The following DIAPH2 variants were observed in gnomAD, a reference collection of about 807,000 sequenced individuals.
DIAPH2 encodes diaphanous related formin 2, also known as protein diaphanous homolog 2.
Under a neutral mutation model 92.7 loss-of-function variants are expected in DIAPH2, and 35 were observed. The observed-to-expected ratio is 0.38, with a 90% confidence interval of 0.29 to 0.50. DIAPH2 has a LOEUF of 0.50. DIAPH2 is among the 20% of genes least tolerant of loss of function. The pLI, the probability that DIAPH2 is intolerant of heterozygous loss-of-function variation, is 0.94. For synonymous variants in DIAPH2, 301 were observed against 280.4 expected (o/e 1.07, Z -0.73); for missense variants, 701 against 819.5 (o/e 0.86, Z 1.77).
At chrX:97,431,760 G>C (rs2070129072) in intron 26 of DIAPH2, 1 of 112,063 alleles carries the variant, frequency 8.9e-6, no homozygotes. Flanking sequence ...GAAGCACCTT[G>C]GTCATCAGTA....
chrX:97,290,210 A>T (rs1271201859), intron 23 of DIAPH2, among the ~76,000 whole-genome samples: 2 of 110,931 alleles, frequency 1.8e-5, no homozygotes, highest in Non-Finnish European at 3.8e-5. Flanking sequence ...TTTGAAAATT[A>T]TAAAAGAGAT....
chrX:97,043,342 A>G (rs924037199), intron 17 of DIAPH2, among the ~76,000 whole-genome samples: 1 of 111,156 alleles, frequency 9.0e-6, no homozygotes, highest in Non-Finnish European at 1.9e-5. Context: ...TTGCCGTGTA[A>G]TAAAAATGGA....
intron 25 of DIAPH2, among the ~76,000 whole-genome samples, chrX:97,394,975 T>C (rs776690205): frequency 9.0e-6 from 1 of 111,476 alleles, no homozygotes; most frequent in South Asian, 3.8e-4. Flanking sequence ...TCATCTAACC[T>C]CTCTGATCCT....
chrX:97,093,801 G>C (rs1296891183), intron 19 of DIAPH2, among the ~76,000 whole-genome samples: 1 of 111,694 alleles, frequency 9.0e-6, no homozygotes, highest in Non-Finnish European at 1.9e-5. Flanking sequence ...TTCTATTATA[G>C]TAGTAAATAT....
At position 96,962,378 on chromosome X, in the gene DIAPH2, T is replaced by C. The variant is rs1020185394; in HGVS notation, c.1936-2715T>C. Among the ~76,000 whole-genome samples, 379 of 64,038 alleles carry C rather than the reference T, an allele frequency of 5.9e-3. 16 individuals carry two copies. Among genetic ancestry groups the C allele is most frequent in the Middle Eastern group, 0.015 (2 of 132 alleles). 55.6% of individuals were successfully genotyped at this position (64,038 alleles called of 115,157 possible). On this transcript the variant is annotated intron_variant, in intron 16 of 26. Transcript: ENST00000324765. ...ACATATATATATACACATATATATA[T>C]ACACATATATATACACATATATATA...
chrX:97,353,346 A>G (rs1276620489), intron 24 of DIAPH2, among the ~76,000 whole-genome samples: 1 of 111,292 alleles, frequency 9.0e-6, no homozygotes. Flanking sequence ...TTGCTTAGGC[A>G]TAAAAATTAA....
At chrX:96,717,869 A>G (rs1602450200) in intron 1 of DIAPH2, among the ~76,000 whole-genome samples, 1 of 88,692 alleles carries the variant, frequency 1.1e-5, no homozygotes, top group African/African-American at 4.0e-5. Context: ...TTCACATGAG[A>G]TATTTTGATA....
At chrX:96,991,563 G>A (rs1244776407) in intron 17 of DIAPH2, among the ~76,000 whole-genome samples, 1 of 64,175 alleles carries the variant, frequency 1.6e-5, no homozygotes, top group Non-Finnish European at 2.9e-5. Context: ...TTTTTACTAT[G>A]TTATAATTTA....
chrX:97,388,929 C>T (rs189639901), intron 25 of DIAPH2, among the ~76,000 whole-genome samples: 90 of 111,623 alleles, frequency 8.1e-4, no homozygotes, highest in African/African-American at 2.9e-3. Flanking sequence ...CTTAATAAGA[C>T]AGCTTGATTC....
intron 23 of DIAPH2, among the ~76,000 whole-genome samples, chrX:97,299,803 C>T (rs765740224): frequency 8.9e-6 from 1 of 111,904 alleles, no homozygotes; most frequent in Non-Finnish European, 1.9e-5. Flanking sequence ...TAAATCAAGG[C>T]TCTTTCATAG....
chrX:97,209,365 TA>T (rs1209604549), intron 22 of DIAPH2, among the ~76,000 whole-genome samples: 2 of 111,040 alleles, frequency 1.8e-5, no homozygotes, highest in Non-Finnish European at 1.9e-5. Context: ...GAACTGCTCA[TA>T]AAAACAAGCA....
intron 22 of DIAPH2, among the ~76,000 whole-genome samples, chrX:97,183,992 C>T (rs1418006461): frequency 8.9e-6 from 1 of 112,226 alleles, no homozygotes; most frequent in African/African-American, 3.2e-5. Context: ...TAACCCCACA[C>T]CAGGTGAACT....
In DIAPH2 at chrX:96,944,348, A is replaced by C. The variant is rs1163484452; in HGVS notation, c.1445-1179A>C. Among the ~76,000 whole-genome samples, 4 of 111,957 alleles carry C rather than the reference A, an allele frequency of 3.6e-5. No homozygotes were observed. In the South Asian group the frequency reaches 1.5e-3, roughly 41 times the overall value. On this transcript the variant is annotated intron_variant, in intron 13 of 26. Transcript: ENST00000324765. ...AGTTGCTTTAAACAAACAAACAAACAAACCAGCTTTATTGAGGTACATTTG... is the reference window on the plus strand; with the variant it reads ...AGTTGCTTTAAACAAACAAACAAACCAACCAGCTTTATTGAGGTACATTTG...
At chrX:97,028,138 A>G (rs2066347595) in intron 17 of DIAPH2, among the ~76,000 whole-genome samples, 1 of 111,214 alleles carries the variant, frequency 9.0e-6, no homozygotes, top group African/African-American at 3.3e-5. Flanking sequence ...ATGGTCATGG[A>G]ATTGTTTTCA....
intron 25 of DIAPH2, among the ~76,000 whole-genome samples, chrX:97,423,759 A>G (rs971282901): frequency 1.8e-5 from 2 of 112,007 alleles, no homozygotes; most frequent in African/African-American, 6.5e-5. Flanking sequence ...AAGCATTACA[A>G]AATTTTCCCT....
At chrX:97,260,621 G>C (rs1333681017) in intron 23 of DIAPH2, among the ~76,000 whole-genome samples, 1 of 111,944 alleles carries the variant, frequency 8.9e-6, no homozygotes, top group Non-Finnish European at 1.9e-5. Context: ...CTCTCAAATT[G>C]AGCCAAATCC....
chrX:97,351,419 A>C (rs1035807716), intron 24 of DIAPH2, among the ~76,000 whole-genome samples: 2 of 112,151 alleles, frequency 1.8e-5, no homozygotes, highest in African/African-American at 6.5e-5. Flanking sequence ...AATGCAATAT[A>C]ATTTGATAAG....
chrX:96,755,921 T>A (rs1203964496), intron 3 of DIAPH2, among the ~76,000 whole-genome samples: 1 of 108,116 alleles, frequency 9.2e-6, no homozygotes, highest in Non-Finnish European at 1.9e-5. Flanking sequence ...TGGAGTGCAG[T>A]GACAGGAACA....
intron 25 of DIAPH2, among the ~76,000 whole-genome samples, chrX:97,406,332 A>C (rs748331427): frequency 9.0e-6 from 1 of 111,681 alleles, no homozygotes; most frequent in South Asian, 3.8e-4. Flanking sequence ...TCACTTTACT[A>C]CCCAATTCAG....
Sources: allele counts gnomAD v4.1 joint callset (sites outside exome capture counted in the v4.1 genomes callset), GRCh38; gene constraint gnomAD v4.1.1; transcripts MANE v1.5; gene names NCBI Gene and HGNC (gene_info 2026-07-23, HGNC 2026-07-21).